The following RYR3 variants were observed in gnomAD, a reference collection of about 807,000 sequenced individuals.
RYR3 encodes the protein brain ryanodine receptor-calcium release channel.
A neutral mutation model predicts 584.3 loss-of-function variants in RYR3; 207 were observed. The observed-to-expected ratio is 0.35, with a 90% confidence interval of 0.32 to 0.40. The LOEUF (loss-of-function observed/expected upper bound fraction) is 0.40. Ranked by LOEUF, RYR3 falls within the 10% of genes least tolerant of loss-of-function variation. RYR3 has a pLI of 1.00. For missense variants in RYR3, 5,616 were observed against 6,089.2 expected, an observed-to-expected ratio of 0.92 and a Z score of 2.59; for synonymous variants, 2,416 against 2,248.5, an observed-to-expected ratio of 1.07 and a Z score of -2.11.
At chr15:33,375,992 A>C (rs1305220070) in intron 1 of RYR3, among the ~76,000 whole-genome samples, 1 of 152,122 alleles carries the variant, frequency 6.6e-6, no homozygotes, top group Non-Finnish European at 1.5e-5. Flanking sequence ...TGAACCCGGG[A>C]GGCGGAGCTT....
chr15:33,581,751 C>T (rs1340081158), intron 14 of RYR3, 108 bp downstream of exon 14: 3 of 959,806 alleles, frequency 3.1e-6, no homozygotes, highest in Non-Finnish European at 4.9e-6. Context: ...ACTTGGACTG[C>T]CTCATTCCTT....
At chr15:33,741,477 T>C (rs182641823) in intron 51 of RYR3, among the ~76,000 whole-genome samples, 66 of 17,434 alleles carry the variant, frequency 3.8e-3, no homozygotes, top group Admixed American at 0.013. Context: ...CACATAACAC[T>C]GCATGCAATA....
At chr15:33,531,994 T>G (rs957851702) in intron 4 of RYR3, among the ~76,000 whole-genome samples, 2 of 152,210 alleles carry the variant, frequency 1.3e-5, no homozygotes, top group Non-Finnish European at 2.9e-5. Context: ...TTATTTACAT[T>G]AAGTTTACCC....
At chr15:33,545,152 T>C (rs2056142503) in intron 8 of RYR3, among the ~76,000 whole-genome samples, 1 of 152,156 alleles carries the variant, frequency 6.6e-6, no homozygotes, top group Non-Finnish European at 1.5e-5. Flanking sequence ...TGTTCTACTT[T>C]TAAGGATGGG....
chr15:33,638,999 C>T lies in RYR3; in HGVS notation c.3556+2449C>T, dbSNP rs367933910. Among the ~76,000 whole-genome samples, 9 of 152,250 alleles carry T rather than the reference C, an allele frequency of 5.9e-5. No homozygotes were observed. The East Asian group carries it at 1.5e-3, about 26-fold the overall frequency. ...AAGGTGCAGATTATAGGCTCAAATACTGAGACTCAGCCTTTTCGTTCAAGA... is the reference window on the plus strand; with the variant it reads ...AAGGTGCAGATTATAGGCTCAAATATTGAGACTCAGCCTTTTCGTTCAAGA... On this transcript the variant is annotated intron_variant, in intron 27 of 103. Coordinates refer to ENST00000634891, the MANE Select transcript of RYR3 (RefSeq NM_001036.6).
intron 86 of RYR3, among the ~76,000 whole-genome samples, chr15:33,833,833 G>GGAAT (rs2077848360): frequency 6.6e-6 from 1 of 152,070 alleles, no homozygotes; most frequent in Non-Finnish European, 1.5e-5. Flanking sequence ...TTAAACCTTG[G>GGAAT]GAATCCTGCC....
chr15:33,538,983 CTTAT>C (rs573934919), intron 5 of RYR3, among the ~76,000 whole-genome samples: 34 of 151,938 alleles, frequency 2.2e-4, no homozygotes, highest in African/African-American at 7.2e-4. Context: ...GACATAGATT[CTTAT>C]TTATTTATTT....
chr15:33,752,751 G>A (rs755006782), intron 57 of RYR3, among the ~76,000 whole-genome samples: 18 of 152,160 alleles, frequency 1.2e-4, no homozygotes, highest in Non-Finnish European at 1.3e-4. Flanking sequence ...GCCCTGGCCA[G>A]AACGTCCAAT....
intron 38 of RYR3, among the ~76,000 whole-genome samples, chr15:33,676,283 C>A (rs979896642): frequency 6.6e-6 from 1 of 150,850 alleles, no homozygotes; most frequent in African/African-American, 2.4e-5. Context: ...TCTCCCAGAG[C>A]CTTCAGAAAG....
intron 38 of RYR3, among the ~76,000 whole-genome samples, chr15:33,678,667 C>T (rs1281296023): frequency 6.6e-6 from 1 of 152,120 alleles, no homozygotes; most frequent in Non-Finnish European, 1.5e-5. Context: ...GTGTACATAC[C>T]CAAAAATTAA....
intron 3 of RYR3, among the ~76,000 whole-genome samples, chr15:33,508,664 C>CAA (rs1434763017): frequency 6.6e-6 from 1 of 151,866 alleles, no homozygotes; most frequent in Non-Finnish European, 1.5e-5. Context: ...CAAAACAAAA[C>CAA]AAAAAACCTT....
In RYR3 at chr15:33,635,726, AG is replaced by A; in HGVS notation, c.3290del (p.Gly1097GlufsTer55). 6.2e-7 allele frequency: 1 copy of A among 1,613,958 alleles called. No homozygotes were observed. The highest frequency in any genetic ancestry group is 8.5e-7 in the Non-Finnish European group (1 of 1,179,862). ...ATTTTGAGTTTGAAGTGGTGACTGG[AG>A]GAGACATGCGAGTCGGCTGGGCGAG... ...WYFEFEVVTGGDMRVGWARPG... is the reference protein window; with the variant it reads ...WYFEFEVVTGXDMRVGWARPG... On this transcript the variant is annotated frameshift_variant, in exon 26 of 104. Transcript: ENST00000634891. LOFTEE classifies it high-confidence loss of function.
At chr15:33,349,018 G>C (rs764718519) in intron 1 of RYR3, among the ~76,000 whole-genome samples, 5 of 149,696 alleles carry the variant, frequency 3.3e-5, no homozygotes, top group Non-Finnish European at 7.4e-5. Flanking sequence ...GAATCATACA[G>C]TAGGTAGCTT....
chr15:33,568,427 A>C (rs1027736793), intron 12 of RYR3, among the ~76,000 whole-genome samples: 1 of 152,212 alleles, frequency 6.6e-6, no homozygotes, highest in Non-Finnish European at 1.5e-5. Flanking sequence ...TTTACATATT[A>C]CAAAATTCAT....
chr15:33,421,348 A>G (rs1398530540), intron 1 of RYR3, among the ~76,000 whole-genome samples: 1 of 152,204 alleles, frequency 6.6e-6, no homozygotes, highest in Non-Finnish European at 1.5e-5. Flanking sequence ...AGACAAGACT[A>G]AAGACACAGA....
intron 3 of RYR3, among the ~76,000 whole-genome samples, chr15:33,505,807 A>C (rs2052434199): frequency 6.6e-6 from 1 of 151,940 alleles, no homozygotes; most frequent in African/African-American, 2.4e-5. Flanking sequence ...ACTTTTTTTT[A>C]ATTGATCACT....
intron 23 of RYR3, among the ~76,000 whole-genome samples, chr15:33,632,722 C>G (rs1396664957): frequency 6.6e-6 from 1 of 152,074 alleles, no homozygotes; most frequent in Non-Finnish European, 1.5e-5. Context: ...CTGCTTTTTT[C>G]AAGTCTTCTT....
intron 43 of RYR3, among the ~76,000 whole-genome samples, chr15:33,715,738 G>A (rs574222293): frequency 6.6e-6 from 1 of 152,138 alleles, no homozygotes; most frequent in Non-Finnish European, 1.5e-5. Context: ...GCATCCTCTG[G>A]AGAGGAGGAA....
chr15:33,526,732 A>G (rs961601963), intron 3 of RYR3, among the ~76,000 whole-genome samples: 6 of 151,960 alleles, frequency 3.9e-5, no homozygotes, highest in African/African-American at 1.2e-4. Flanking sequence ...CATGCCTCCT[A>G]TGGTGCCGGG....
Sources: gnomAD v4.1 joint callset for allele counts (sites outside exome capture counted in the v4.1 genomes callset) on GRCh38, gnomAD v4.1.1 for gene constraint, MANE v1.5 for transcripts, NCBI Gene and HGNC (gene_info 2026-07-23, HGNC 2026-07-21) for gene names.